FRAS1: variants seen among roughly 807,000 people sequenced by gnomAD.
FRAS1 encodes the protein extracellular matrix organizing protein FRAS1.
Under a neutral mutation model 435.2 loss-of-function variants are expected in FRAS1, and 290 were observed. That is an observed-to-expected ratio of 0.67 (90% CI 0.61 to 0.73). The LOEUF (loss-of-function observed/expected upper bound fraction) is 0.73. FRAS1 is among the 30% of genes least tolerant of loss of function. FRAS1 has a pLI of 0.00. For missense variants in FRAS1, 4,860 were observed against 5,001.5 expected (o/e 0.97, Z 0.85); for synonymous variants, 1,800 against 1,851.0 (o/e 0.97, Z 0.71).
intron 69 of FRAS1, among the ~76,000 whole-genome samples, chr4:78,525,667 A>G (rs1290473132): frequency 2.6e-5 from 4 of 152,260 alleles, no homozygotes; most frequent in South Asian, 2.1e-4. Flanking sequence ...ATGAAGATTC[A>G]TAGTCCTGTG....
rs972539771 is a variant in FRAS1, at chr4:78,307,930, T to C, written c.1535-136T>C. 9.9e-6 allele frequency: 8 copies of C among 811,256 alleles called. No individual in the cohort carries two copies. The South Asian group carries it at 1.5e-4, about 15-fold the overall frequency. 50.3% of individuals were successfully genotyped at this position (811,256 alleles called of 1,614,324 possible). ...AGGGTGTTGTGTTTGTCCTGAGGTG[T>C]ACATGTGTCAATAGCAGTTTAGGAA... On this transcript the variant is annotated intron_variant, in intron 14 of 73. Transcript: ENST00000512123.
intron 3 of FRAS1, among the ~76,000 whole-genome samples, chr4:78,241,397 A>T (rs1466296346): frequency 2.0e-5 from 3 of 152,218 alleles, no homozygotes; most frequent in Non-Finnish European, 2.9e-5. Context: ...AGTACGCAGC[A>T]CACAGAAGGC....
In FRAS1 at chr4:78,400,886, T is replaced by G. The variant is rs2110345509; in HGVS notation, c.4128T>G (p.Phe1376Leu). 2 of 1,613,454 alleles carry G rather than the reference T, an allele frequency of 1.2e-6. No individual in the cohort carries two copies. The highest frequency in any genetic ancestry group is 1.7e-6 in the Non-Finnish European group (2 of 1,179,642). ...IYKITQDYPQ[F>L]GEVVLLVNMP... ...AGATTACACAAGACTACCCCCAGTT[T>G]GGTAACTATTTTTTCCTTTGGCGTG... Residue 1376 changes from phenylalanine (F) to leucine (L), a missense_variant and splice_region_variant, in exon 30 of 74, where the codon TTT (phenylalanine) becomes TTG (leucine). Coordinates refer to ENST00000512123, the MANE Select transcript of FRAS1 (RefSeq NM_025074.7).
chr4:78,233,850 C>T (rs1724616791), intron 2 of FRAS1, among the ~76,000 whole-genome samples: 1 of 152,228 alleles, frequency 6.6e-6, no homozygotes, highest in African/African-American at 2.4e-5. Flanking sequence ...GGTTCAATCT[C>T]ACTCATCCTG....
intron 2 of FRAS1, among the ~76,000 whole-genome samples, chr4:78,130,873 T>A (rs952570018): frequency 6.6e-6 from 1 of 152,194 alleles, no homozygotes; most frequent in Non-Finnish European, 1.5e-5. Context: ...TCATAACTTG[T>A]AGCAGGGAAA....
At chr4:78,217,864 T>C (rs1269947866) in intron 2 of FRAS1, among the ~76,000 whole-genome samples, 1 of 56,094 alleles carries the variant, frequency 1.8e-5, no homozygotes, top group East Asian at 7.5e-4. Flanking sequence ...CCCCTTCCCC[T>C]CTCCTCTCTT....
chr4:78,479,476 G>C lies in FRAS1; in HGVS notation c.8201G>C (p.Arg2734Thr), dbSNP rs1299338060. 1 of 1,611,410 alleles carries C rather than the reference G, an allele frequency of 6.2e-7. No homozygotes were observed. The highest frequency in any genetic ancestry group is 8.5e-7 in the Non-Finnish European group (1 of 1,178,092). Residue 2734 changes from arginine (R) to threonine (T), a missense_variant, in exon 56 of 74, where the codon AGA becomes ACA. Transcript: ENST00000512123. ...ALESGSDFKS[R>T]GMSAASRVIF... ...GAATCAGGCTCTGATTTTAAATCTA[G>C]AGGGATGTCTGCCGCGAGTCGTGTG... is the stretch of plus-strand genomic sequence containing the variant.
chr4:78,161,841 G>A (rs1436780065), intron 2 of FRAS1, among the ~76,000 whole-genome samples: 3 of 150,074 alleles, frequency 2.0e-5, no homozygotes, highest in Non-Finnish European at 4.4e-5. Context: ...AGTGCCTTAT[G>A]CCTTCATCTG....
At chr4:78,295,551 T>C (rs1280676479) in intron 14 of FRAS1, among the ~76,000 whole-genome samples, 3 of 152,224 alleles carry the variant, frequency 2.0e-5, no homozygotes, top group East Asian at 1.9e-4. Context: ...ATTTTCATCA[T>C]TGGTCTGGGC....
intron 2 of FRAS1, among the ~76,000 whole-genome samples, chr4:78,119,029 T>TA (rs1481191898): frequency 6.6e-6 from 1 of 152,168 alleles, no homozygotes; most frequent in Non-Finnish European, 1.5e-5. Context: ...GCAAATATTT[T>TA]CTCCCAGTAT....
chr4:78,286,263 T>C, intron 13 of FRAS1, 142 bp from the exon 14 acceptor site: 1 of 878,118 alleles, frequency 1.1e-6, no homozygotes, highest in East Asian at 2.4e-5. Flanking sequence ...ATACAGATGA[T>C]GGCTGTTAAA....
intron 70 of FRAS1, among the ~76,000 whole-genome samples, chr4:78,531,745 C>T (rs1721721947): frequency 6.6e-6 from 1 of 152,108 alleles, no homozygotes; most frequent in African/African-American, 2.4e-5. Flanking sequence ...TTAGACCTAC[C>T]AGCATGTATC....
At position 78,057,753 on chromosome 4, in the gene FRAS1, G is replaced by C. The variant is rs78363185; in HGVS notation, c.-257G>C. On this transcript the variant is annotated 5_prime_UTR_variant, in exon 1 of 74. Transcript: ENST00000512123. The surrounding 1 kb of genome is among the most constrained non-coding windows in gnomAD (Gnocchi z 4.2). Reference sequence around the variant, plus strand: ...CTCCTCTTATTCTCCCAAAGCTCACGTTGGCGTCCTGCCTTGCGGGGGAAC... The same window carrying C: ...CTCCTCTTATTCTCCCAAAGCTCACCTTGGCGTCCTGCCTTGCGGGGGAAC... The C allele has an allele frequency of 1.5e-5, 8 of 544,726 alleles. No individual in the cohort carries two copies. The African/African-American group carries it at 1.5e-4, about 10-fold the overall frequency. 33.7% of individuals were successfully genotyped at this position (544,726 alleles called of 1,614,324 possible).
chr4:78,156,219 A>G (rs1344623131), intron 2 of FRAS1, among the ~76,000 whole-genome samples: 1 of 152,202 alleles, frequency 6.6e-6, no homozygotes, highest in African/African-American at 2.4e-5. Context: ...AATTCATGAA[A>G]GATTTCTCAG....
chr4:78,058,124 G>A (rs1367843577), intron 1 of FRAS1, 39 bp downstream of exon 1: 2 of 1,546,716 alleles, frequency 1.3e-6, no homozygotes, highest in East Asian at 4.5e-5. Flanking sequence ...GTGTGTGCGT[G>A]TGCGTGTGTG....
intron 9 of FRAS1, among the ~76,000 whole-genome samples, chr4:78,273,331 T>G (rs866914174): frequency 1.7e-4 from 26 of 152,122 alleles, no homozygotes; most frequent in African/African-American, 5.6e-4. Flanking sequence ...ATTGCCCTGG[T>G]CAGAACTTCC....
chr4:78,304,333 T>A (rs2110212693), intron 14 of FRAS1, among the ~76,000 whole-genome samples: 1 of 152,352 alleles, frequency 6.6e-6, no homozygotes. Context: ...TGGTTGTGTC[T>A]CTGCCAGGCT....
intron 30 of FRAS1, among the ~76,000 whole-genome samples, chr4:78,402,099 T>C (rs528495458): frequency 6.7e-6 from 1 of 149,260 alleles, no homozygotes; most frequent in East Asian, 2.0e-4. Context: ...TTAAAATGAT[T>C]TAAAGACATA....
chr4:78,234,316 C>T (rs1013888581), intron 2 of FRAS1, among the ~76,000 whole-genome samples: 5 of 152,120 alleles, frequency 3.3e-5, no homozygotes, highest in African/African-American at 1.2e-4. Context: ...AGCTCCGCCT[C>T]CCGGGTTCAC....
Sources: gnomAD v4.1 joint callset for allele counts (sites outside exome capture counted in the v4.1 genomes callset) on GRCh38, gnomAD v4.1.1 for gene constraint, Gnocchi (gnomAD v3.1) non-coding constraint, MANE v1.5 for transcripts, NCBI Gene and HGNC (gene_info 2026-07-23, HGNC 2026-07-21) for gene names.